LMNTD2: variants seen among roughly 807,000 people sequenced by gnomAD.
The protein encoded by LMNTD2 is lamin tail domain containing 2, also known as lamin tail domain-containing protein 2.
LMNTD2 carries 83 observed loss-of-function variants against 70.1 expected under a neutral mutation model. That is an observed-to-expected ratio of 1.18 (90% confidence interval 0.99 to 1.42). The LOEUF (loss-of-function observed/expected upper bound fraction) is 1.42. Among genes scored for constraint, LMNTD2 ranks in the 40% most tolerant of loss-of-function variants. LMNTD2 has a pLI of 0.00. For synonymous variants in LMNTD2, 534 were observed against 406.1 expected (o/e 1.31, Z -3.79); for missense variants, 1,153 against 905.9 (o/e 1.27, Z -3.50).
Position 557,059 on chromosome 11 carries a change from G to A in LMNTD2, c.752C>T (p.Pro251Leu). The part of the protein sequence containing the change: ...RPWPQLDTGS[P>L]ESSGKHSERH... ...CTCGGAATGCTTTCCAGAGGACTCTGGGCTCCCTGTGTCCAGCTGTGGCCA... is the reference window on the plus strand; with the variant it reads ...CTCGGAATGCTTTCCAGAGGACTCTAGGCTCCCTGTGTCCAGCTGTGGCCA... Residue 251 changes from proline (P) to leucine (L), a missense_variant, in exon 8 of 14, where the codon CCA (proline) becomes CTA (leucine). Physicochemically the swap from Pro to Leu is moderately conservative, Grantham distance 98. Coordinates refer to ENST00000329451, the MANE Select transcript of LMNTD2 (RefSeq NM_173573.3). The A allele has an allele frequency of 6.2e-7, 1 of 1,607,374 alleles. No homozygotes were observed. Among genetic ancestry groups the A allele is most frequent in the Non-Finnish European group, 8.5e-7 (1 of 1,177,930 alleles).
At chr11:555,182 G>GGGAGGGGCGGGGAGGAGAGC (rs745588289) in intron 13 of LMNTD2, 71 bp from the exon 14 acceptor site, 151,560 of 238,136 alleles carry the variant, frequency 0.64, 52,694 homozygotes, top group Middle Eastern at 0.7. Context: ...GGGAGGAGAG[G>GGGAGGGGCGGGGAGGAGAGC]GGAGGGGCGG....
At chr11:557,713 A>G in intron 5 of LMNTD2, 73 bp from the exon 6 acceptor site, 1 of 1,607,462 alleles carries the variant, frequency 6.2e-7, no homozygotes, top group Non-Finnish European at 8.5e-7. Context: ...CTTTGACCTC[A>G]CCTGTGCTTT....
At chr11:558,283 G>GC in intron 3 of LMNTD2, 35 bp from the exon 4 acceptor site, 2 of 1,601,090 alleles carry the variant, frequency 1.2e-6, no homozygotes, top group Non-Finnish European at 1.7e-6. Flanking sequence ...CCCCCACCCT[G>GC]CTCAGGCAGG....
chr11:556,953 G>A lies in LMNTD2; in HGVS notation c.858C>T (p.Ser286=). 6.2e-7 allele frequency: 1 copy of A among 1,603,110 alleles called. No homozygotes were observed. The highest frequency in any genetic ancestry group is 2.2e-5 in the East Asian group (1 of 44,772). ...AGGAAGGCAGGCCCGGCCGGCAGCT[G>A]CTGGAGTCGGAGTCAGCGCCCCCTG... ...SSSGGADSDS[S]SCRPGLPSFV... The change falls in exon 8 of 14, where the codon AGC becomes AGT. Residue 286 remains serine, a synonymous_variant. Coordinates refer to ENST00000329451, the MANE Select transcript of LMNTD2 (RefSeq NM_173573.3).
chr11:556,746 G>A, intron 8 of LMNTD2, 89 bp downstream of exon 8: 4 of 1,447,148 alleles, frequency 2.8e-6, no homozygotes, highest in Non-Finnish European at 3.6e-6. Flanking sequence ...GGGGCTGGAG[G>A]GCCACCTCCA....
rs1564817283 is a variant in LMNTD2, at chr11:557,553, CG to C, written c.624+18del. On this transcript the variant is annotated intron_variant, in intron 6 of 13. Transcript: ENST00000329451. Reference sequence around the variant, plus strand: ...AGGGCTCCAGATACCAGACCACACACGTGGGAGGCCTAGCTCACCTCCCCGG... The same window carrying C: ...AGGGCTCCAGATACCAGACCACACACTGGGAGGCCTAGCTCACCTCCCCGG... 1 of 1,613,406 alleles carries C rather than the reference CG, an allele frequency of 6.2e-7. No homozygotes were observed. Among genetic ancestry groups the C allele is most frequent in the Non-Finnish European group, 8.5e-7 (1 of 1,179,844 alleles).
In LMNTD2 at chr11:558,838, C is replaced by T. The variant is rs770980507; in HGVS notation, c.158+18G>A. ...CACCTGGCCCAGGAGGCTCACCAGT[C>T]CTCCCTCTCCTCCTTACTGCGGGTC... On this transcript the variant is annotated intron_variant, in intron 2 of 13. Transcript: ENST00000329451. 6 of 1,595,824 alleles carry T rather than the reference C, an allele frequency of 3.8e-6. No homozygotes were observed. The highest frequency in any genetic ancestry group is 4.5e-5 in the East Asian group (2 of 44,340).
chr11:555,875 G>C lies in LMNTD2; in HGVS notation c.1433C>G (p.Ala478Gly). The C allele has an allele frequency of 6.4e-7, 1 of 1,565,102 alleles. No homozygotes were observed. The highest frequency in any genetic ancestry group is 8.6e-7 in the Non-Finnish European group (1 of 1,161,074). The stretch of plus-strand genomic sequence containing the variant: ...GTCGATGGACAAGTCGGTGCCGTCG[G>C]CGAAGACCCTCGGGGCCGGAGTCTC... ...RRETPAPRVF[A>G]DGTDLSIDRF... The change falls in exon 12 of 14, where the codon GCC becomes GGC. Residue 478 changes from alanine (A) to glycine (G), a missense_variant. Physicochemically the swap from Ala to Gly is moderately conservative, Grantham distance 60. Coordinates refer to ENST00000329451, the MANE Select transcript of LMNTD2 (RefSeq NM_173573.3).
In LMNTD2 at chr11:558,876, C is replaced by T. The variant is rs1323516809; in HGVS notation, c.138G>A (p.Val46=). The T allele has an allele frequency of 1.2e-6, 2 of 1,608,556 alleles. No individual in the cohort carries two copies. The highest frequency in any genetic ancestry group is 1.7e-6 in the Non-Finnish European group (2 of 1,176,710). ...LPDTTPHPAP[V]VCSADPQLAL... is the part of the protein sequence containing the mutation. ...CTTACTGCGGGTCGGCAGAGCAGACCACCGGTGCGGGGTGGGGCGTGGTGT... is the reference window on the plus strand; with the variant it reads ...CTTACTGCGGGTCGGCAGAGCAGACTACCGGTGCGGGGTGGGGCGTGGTGT... Residue 46 remains valine (V), a synonymous_variant, in exon 2 of 14, where the codon GTG becomes GTA. Transcript: ENST00000329451.
Position 556,838 on chromosome 11 carries a change from C to T in LMNTD2, c.973G>A (p.Glu325Lys), listed in dbSNP as rs752509568. 4.3e-5 allele frequency: 68 copies of T among 1,572,222 alleles called. No individual in the cohort carries two copies. Among genetic ancestry groups the T allele is most frequent in the Non-Finnish European group, 5.7e-5 (66 of 1,157,016 alleles). Residue 325 changes from glutamate to lysine, a missense_variant, in exon 8 of 14, where the codon GAA (glutamate) becomes AAA (lysine). Glu to Lys is a moderately conservative substitution (Grantham distance 56, BLOSUM62 1). Transcript: ENST00000329451. ...GGGGAGACCCGCCCCACTGCACCTT[C>T]TGAGTCCCTGCTGTAGCTGCCGGCC... ...VQAGSYSRDS[E>K]DLQKTHSPRH...
chr11:556,424 C>T (rs1289961658), intron 9 of LMNTD2, 49 bp from the exon 10 acceptor site: 1 of 1,544,242 alleles, frequency 6.5e-7, no homozygotes, highest in Non-Finnish European at 8.7e-7. Flanking sequence ...TCCACCCGCA[C>T]AGCTGCGCGC....
Position 556,916 on chromosome 11 carries a change from T to C in LMNTD2, c.895A>G (p.Ile299Val), listed in dbSNP as rs114398401. The C allele has an allele frequency of 1.4e-3, 2,185 of 1,596,998 alleles. 17 individuals are homozygous for C. In the African/African-American group the frequency reaches 0.016, roughly 12 times the overall value. ...CGGTGGTCCCGGGGCGGGTGCCCTA[T>C]CACCTGCACGAAGGAAGGCAGGCCC... ...RPGLPSFVQV[I>V]GHPPRDHRAS... The change falls in exon 8 of 14, where the codon ATA becomes GTA. Residue 299 changes from isoleucine (I) to valine (V), a missense_variant. Physicochemically the swap from Ile to Val is conservative, Grantham distance 29. Transcript: ENST00000329451.
rs1852787228 is a variant in LMNTD2, at chr11:555,457, C to A, written c.1621G>T (p.Ala541Ser). The A allele has an allele frequency of 1.5e-6, 2 of 1,375,444 alleles. No homozygotes were observed. Among genetic ancestry groups the A allele is most frequent in the African/African-American group, 3.0e-5 (2 of 65,988 alleles). 85.2% of individuals were successfully genotyped at this position (1,375,444 alleles called of 1,614,324 possible). A position where few individuals can be genotyped will look rare whatever the true frequency, so the allele number is the denominator to read the frequency against. ...TCGGGCCGCGCAGGCCCCTCCCGCG[C>A]GTGGAAGAGCTTCCCCGAGCTCACT... Reference protein sequence around the residue: ...PPVSSGKLFHAREGPARPENP... With the variant: ...PPVSSGKLFHSREGPARPENP... The change falls in exon 13 of 14, where the codon GCG becomes TCG. Residue 541 changes from alanine (A) to serine (S), a missense_variant. Physicochemically the swap from Ala to Ser is moderately conservative, Grantham distance 99. Transcript: ENST00000329451.
chr11:556,900 C>G lies in LMNTD2; in HGVS notation c.911G>C (p.Arg304Pro). 1 of 1,593,782 alleles carries G rather than the reference C, an allele frequency of 6.3e-7. No individual in the cohort carries two copies. ...TTGCTCGGAGGAAGCGCGGTGGTCC[C>G]GGGGCGGGTGCCCTATCACCTGCAC... The part of the protein sequence containing the change: ...SFVQVIGHPP[R>P]DHRASSEQAL... The change falls in exon 8 of 14, where the codon CGG becomes CCG. Residue 304 changes from arginine (R) to proline (P), a missense_variant. Physicochemically the swap from Arg to Pro is moderately radical, Grantham distance 103 (BLOSUM62 -2). Transcript: ENST00000329451.
In LMNTD2 at chr11:558,068, T is replaced by G. The variant is rs1255364114; in HGVS notation, c.400-29A>C. On this transcript the variant is annotated intron_variant, in intron 4 of 13. Coordinates refer to ENST00000329451, the MANE Select transcript of LMNTD2 (RefSeq NM_173573.3). ...CTCCGAGAGGGCCTGTGGTTGGTGG[T>G]GGGGGGGTGTCTTCTGCAGAAGGCC... 4.4e-6 allele frequency: 7 copies of G among 1,587,026 alleles called. No individual in the cohort carries two copies. The African/African-American group carries it at 5.4e-5, about 12-fold the overall frequency.
At chr11:558,587 GGTT>G (rs1232987794) in intron 3 of LMNTD2, 24 bp downstream of exon 3, 3 of 1,586,976 alleles carry the variant, frequency 1.9e-6, no homozygotes, top group Non-Finnish European at 2.6e-6. Flanking sequence ...GGCGGGGTTG[GGTT>G]GGGCTGGGGA....
At position 556,472 on chromosome 11, in the gene LMNTD2, T is replaced by C; in HGVS notation, c.1073+20A>G. On this transcript the variant is annotated intron_variant, in intron 9 of 13. Coordinates refer to ENST00000329451, the MANE Select transcript of LMNTD2 (RefSeq NM_173573.3). ...CCAGCTCCAGTCCGGCGCCGGAGGC[T>C]TGGGTCACTCGCCCCTTACCTCTGC... The C allele has an allele frequency of 1.3e-6, 2 of 1,549,842 alleles. No homozygotes were observed. Among genetic ancestry groups the C allele is most frequent in the South Asian group, 1.2e-5 (1 of 84,058 alleles).
In LMNTD2 at chr11:554,895, A is replaced by C; in HGVS notation, c.*85T>G. ...TTTACTTTGTAGGCCACGTTGGTTC[A>C]ATAAATGATGCAGCGGACACAGCCC... On this transcript the variant is annotated 3_prime_UTR_variant, in exon 14 of 14. Transcript: ENST00000329451. 1 of 978,066 alleles carries C rather than the reference A, an allele frequency of 1.0e-6. No homozygotes were observed. The highest frequency in any genetic ancestry group is 1.8e-5 in the South Asian group (1 of 55,284). The allele number at this position is 978,066 out of a possible 1,614,324, so 60.6% of individuals were successfully genotyped here. A position where few individuals can be genotyped will look rare whatever the true frequency, so the allele number is the denominator to read the frequency against.
chr11:557,013 C>A lies in LMNTD2; in HGVS notation c.798G>T (p.Glu266Asp), dbSNP rs775176357. ...TGTTCAGACAGGGCAGGGAGCCCCA[C>A]TCCACGGTCTTGTGATGCCGCTCGG... The part of the protein sequence containing the change: ...KHSERHHKTV[E>D]WGSLPCLNTS... The change falls in exon 8 of 14, where the codon GAG becomes GAT. Residue 266 changes from glutamate to aspartate, a missense_variant. Physicochemically the swap from Glu to Asp is conservative, Grantham distance 45. Coordinates refer to ENST00000329451, the MANE Select transcript of LMNTD2 (RefSeq NM_173573.3). The A allele has an allele frequency of 1.5e-5, 24 of 1,609,284 alleles. No homozygotes were observed. The South Asian group carries it at 2.5e-4, about 17-fold the overall frequency.
Sources: gnomAD v4.1 joint callset for allele counts on GRCh38, gnomAD v4.1.1 for gene constraint, MANE v1.5 for transcripts, NCBI Gene and HGNC (gene_info 2026-07-23, HGNC 2026-07-21) for gene names.